The following AFF1 variants were observed in gnomAD, a reference collection of about 807,000 sequenced individuals.
AFF1 encodes ALF transcription elongation factor 1.
AFF1 carries 48 observed loss-of-function variants against 121.7 expected under a neutral mutation model. The ratio of observed to expected loss-of-function variants is 0.39; its 90% confidence interval spans 0.31 to 0.50. The LOEUF is 0.50. Ranked by LOEUF, AFF1 falls within the 20% of genes least tolerant of loss-of-function variation. The pLI is 0.76. For missense variants in AFF1, 1,523 were observed against 1,511.7 expected (o/e 1.01, Z -0.12); for synonymous variants, 613 against 563.0 (o/e 1.09, Z -1.26).
At chr4:86,990,747 ACT>A (rs1236578645) in intron 2 of AFF1, among the ~76,000 whole-genome samples, 3 of 152,194 alleles carry the variant, frequency 2.0e-5, no homozygotes, top group Non-Finnish European at 4.4e-5. Context: ...ACTTGATTCA[ACT>A]CTGAGAATAA....
chr4:87,024,375 TCA>T (rs1051793261), intron 2 of AFF1, among the ~76,000 whole-genome samples: 1 of 152,100 alleles, frequency 6.6e-6, no homozygotes, highest in Admixed American at 6.6e-5. Context: ...AAAATTCCTC[TCA>T]GAGTGAAGAA....
intron 2 of AFF1, chr4:87,020,894 A>T: frequency 5.5e-6 from 5 of 915,124 alleles, no homozygotes; most frequent in Non-Finnish European, 6.5e-6. Context: ...TTCTTTGAGT[A>T]TAGGTGATAT....
At chr4:86,983,825 CAA>C (rs1723985237) in intron 2 of AFF1, among the ~76,000 whole-genome samples, 2 of 151,996 alleles carry the variant, frequency 1.3e-5, no homozygotes, top group African/African-American at 4.8e-5. Flanking sequence ...ATCACGAGGT[CAA>C]GAGATCGAGA....
At chr4:87,089,874 G>T in intron 5 of AFF1, 110 bp from the exon 6 acceptor site, 137 of 636,912 alleles carry the variant, frequency 2.2e-4, no homozygotes, top group East Asian at 3.3e-4. Flanking sequence ...TTTTAAGATT[G>T]TACTTGCCAT....
In AFF1 at chr4:87,012,208, AT is replaced by A. The variant is rs1352657917; in HGVS notation, c.39-33955del. The stretch of plus-strand genomic sequence containing the variant: ...TAGTTTTCTGTTAGCAAACTTCTCC[AT>A]TTCATTTCTTGTTTTTTTTTTTTTT... On this transcript the variant is annotated intron_variant, in intron 2 of 20. Coordinates refer to ENST00000395146, the MANE Select transcript of AFF1 (RefSeq NM_001166693.3). 1.6e-4 allele frequency among the ~76,000 whole-genome samples: 18 copies of A among 115,846 alleles called. No homozygotes were observed. In the South Asian group the frequency reaches 3.4e-3, roughly 22 times the overall value. 76.0% of individuals were successfully genotyped at this position (115,846 alleles called of 152,430 possible).
At chr4:86,992,889 T>C (rs1215035601) in intron 2 of AFF1, among the ~76,000 whole-genome samples, 1 of 152,236 alleles carries the variant, frequency 6.6e-6, no homozygotes, top group African/African-American at 2.4e-5. Flanking sequence ...TTAATTGTAA[T>C]TTCAAGACAT....
At chr4:86,988,851 T>C (rs1459866440) in intron 2 of AFF1, among the ~76,000 whole-genome samples, 1 of 152,026 alleles carries the variant, frequency 6.6e-6, no homozygotes, top group Non-Finnish European at 1.5e-5. Flanking sequence ...CATAGACCAA[T>C]GGAACAGATC....
intron 6 of AFF1, among the ~76,000 whole-genome samples, 160 bp from the exon 7 acceptor site, chr4:87,091,633 T>C (rs1351123442): frequency 6.6e-6 from 1 of 152,228 alleles, no homozygotes; most frequent in Non-Finnish European, 1.5e-5. Flanking sequence ...TTATAGAATC[T>C]GTGATGGGTA....
In AFF1 at chr4:87,109,816, G is replaced by A. The variant is rs12651245; in HGVS notation, c.1533+1501G>A. ...GAGTGAAACCTCTGTAAAATAAATG[G>A]TCCCATCCTGCCTTATCTTTTAAAA... On this transcript the variant is annotated intron_variant, in intron 11 of 20. Coordinates refer to ENST00000395146, the MANE Select transcript of AFF1 (RefSeq NM_001166693.3). 7.9e-5 allele frequency among the ~76,000 whole-genome samples: 12 copies of A among 152,254 alleles called. No individual in the cohort carries two copies. In the East Asian group the frequency reaches 2.3e-3, roughly 29 times the overall value.
chr4:86,965,731 A>T (rs1189878356), intron 2 of AFF1, among the ~76,000 whole-genome samples: 1 of 152,100 alleles, frequency 6.6e-6, no homozygotes, highest in Admixed American at 6.5e-5. Flanking sequence ...GCCCATGGGT[A>T]TTTGCATACG....
intron 2 of AFF1, among the ~76,000 whole-genome samples, chr4:86,968,211 C>A (rs1412847778): frequency 6.6e-6 from 1 of 152,174 alleles, no homozygotes; most frequent in Non-Finnish European, 1.5e-5. Context: ...AAAGATACAA[C>A]CTTTTATTAT....
Position 86,948,485 on chromosome 4 carries a change from G to A in AFF1, c.-36-13G>A. On this transcript the variant is annotated splice_polypyrimidine_tract_variant and intron_variant, in intron 1 of 20. Transcript: ENST00000395146. Reference sequence around the variant, plus strand: ...GGCTAATGTTCACAGGCTACTCTTTGTTTCTCTTTCAGATGAACAGACTAG... The same window carrying A: ...GGCTAATGTTCACAGGCTACTCTTTATTTCTCTTTCAGATGAACAGACTAG... 3.3e-6 allele frequency: 5 copies of A among 1,519,948 alleles called. No homozygotes were observed. The highest frequency in any genetic ancestry group is 4.4e-6 in the Non-Finnish European group (5 of 1,132,302). 94.2% of individuals were successfully genotyped at this position (1,519,948 alleles called of 1,614,324 possible).
chr4:87,106,967 G>T (rs568937094), intron 10 of AFF1, among the ~76,000 whole-genome samples: 1 of 152,180 alleles, frequency 6.6e-6, no homozygotes, highest in African/African-American at 2.4e-5. Flanking sequence ...TGACAAGGTA[G>T]CCTAACTTCT....
chr4:86,976,810 C>T (rs550801637), intron 2 of AFF1, among the ~76,000 whole-genome samples: 25 of 152,308 alleles, frequency 1.6e-4, no homozygotes, highest in African/African-American at 4.6e-4. Context: ...GTGCCTACCT[C>T]GGTGTCTCAC....
chr4:86,985,216 A>ATATATAT (rs1724145245), intron 2 of AFF1, among the ~76,000 whole-genome samples: 8 of 78,680 alleles, frequency 1.0e-4, no homozygotes, highest in African/African-American at 6.3e-4. Context: ...TATATATATA[A>ATATATAT]AATTATATTT....
At chr4:87,106,472 G>A (rs1219031779) in intron 10 of AFF1, among the ~76,000 whole-genome samples, 1 of 152,204 alleles carries the variant, frequency 6.6e-6, no homozygotes, top group Non-Finnish European at 1.5e-5. Context: ...CGAGCCCAGT[G>A]TTTTAATGGA....
In AFF1 at chr4:86,953,771, A is replaced by G. The variant is rs1721545008; in HGVS notation, c.38+5200A>G. ...TTTTGCTCTTGTCGCCCAGGCTGGA[A>G]TGCAATGGCGCGATCTCGGCTCACT... On this transcript the variant is annotated intron_variant, in intron 2 of 20. Transcript: ENST00000395146. Among the ~76,000 whole-genome samples, 4 of 151,784 alleles carry G rather than the reference A, an allele frequency of 2.6e-5. No homozygotes were observed. The South Asian group carries it at 6.2e-4, about 24-fold the overall frequency.
chr4:87,044,784 T>G (rs1730504521), intron 2 of AFF1, among the ~76,000 whole-genome samples: 1 of 152,132 alleles, frequency 6.6e-6, no homozygotes, highest in Non-Finnish European at 1.5e-5. Flanking sequence ...GAGGCTGCCT[T>G]ACAGGGTATG....
At chr4:87,058,822 C>G (rs774598600) in intron 4 of AFF1, among the ~76,000 whole-genome samples, 40 of 152,090 alleles carry the variant, frequency 2.6e-4, no homozygotes, top group Non-Finnish European at 1.0e-4. Context: ...CCTCTACTTG[C>G]AACCCATTGC....
Sources: allele counts gnomAD v4.1 joint callset (sites outside exome capture counted in the v4.1 genomes callset), GRCh38; gene constraint gnomAD v4.1.1; transcripts MANE v1.5; gene names NCBI Gene and HGNC (gene_info 2026-07-23, HGNC 2026-07-21).